The following TRIM44 variants were observed in gnomAD, a reference collection of about 807,000 sequenced individuals.
TRIM44 encodes the protein tripartite motif containing 44.
TRIM44 carries 13 observed loss-of-function variants against 37.4 expected under a neutral mutation model. That is an observed-to-expected ratio of 0.35 (90% confidence interval 0.23 to 0.55). The LOEUF (loss-of-function observed/expected upper bound fraction) is 0.55. Ranked by LOEUF, TRIM44 falls within the 20% of genes least tolerant of loss-of-function variation. The probability of loss-of-function intolerance (pLI) is 0.89; values close to 1 mark genes in which losing one functional copy is unlikely to be tolerated. For synonymous variants in TRIM44, 175 were observed against 157.2 expected (o/e 1.11, Z -0.85); for missense variants, 426 against 437.2 (o/e 0.97, Z 0.23).
Position 35,704,743 on chromosome 11 carries a change from C to A in TRIM44, c.747+19407C>A, listed in dbSNP as rs933996996. Among the ~76,000 whole-genome samples, 60 of 152,170 alleles carry A rather than the reference C, an allele frequency of 3.9e-4. 1 individual carries two copies. The highest frequency in any genetic ancestry group is 7.2e-4 in the Non-Finnish European group (49 of 68,030). On this transcript the variant is annotated intron_variant, in intron 2 of 4. Coordinates refer to ENST00000299413, the MANE Select transcript of TRIM44 (RefSeq NM_017583.6). The stretch of plus-strand genomic sequence containing the variant: ...TTTTGTCACCACCAGGCCTGCCTTA[C>A]AAGAGCTCCTGAAGGAAGCACTAAA...
At position 35,782,607 on chromosome 11, in the gene TRIM44, T is replaced by C. The variant is rs529239970; in HGVS notation, c.1008-23751T>C. ...AAAAGAGCTGCAGCTTTGGGTATTATACCCATGTTCAATCATGAGGGAGGG... is the reference window on the plus strand; with the variant it reads ...AAAAGAGCTGCAGCTTTGGGTATTACACCCATGTTCAATCATGAGGGAGGG... On this transcript the variant is annotated intron_variant, in intron 4 of 4. Transcript: ENST00000299413. Among the ~76,000 whole-genome samples the C allele has an allele frequency of 3.3e-5, 5 of 152,178 alleles. No individual in the cohort carries two copies. In the South Asian group the frequency reaches 1.0e-3, roughly 32 times the overall value.
chr11:35,719,064 G>A (rs1420159303), intron 2 of TRIM44, among the ~76,000 whole-genome samples: 3 of 152,090 alleles, frequency 2.0e-5, no homozygotes, highest in Non-Finnish European at 4.4e-5. Flanking sequence ...AGGTTTTTAT[G>A]TGGATGTAAG....
intron 4 of TRIM44, among the ~76,000 whole-genome samples, chr11:35,748,402 A>G (rs1445119897): frequency 1.3e-5 from 2 of 152,210 alleles, no homozygotes; most frequent in South Asian, 2.1e-4. Flanking sequence ...GACTGTGTTA[A>G]TGAAAGTAGC....
At chr11:35,674,911 AT>A (rs914208883) in intron 1 of TRIM44, among the ~76,000 whole-genome samples, 21 of 152,354 alleles carry the variant, frequency 1.4e-4, no homozygotes, top group African/African-American at 4.8e-4. Flanking sequence ...CCAGGAATAG[AT>A]TCTTAGAGGA....
chr11:35,700,301 G>C (rs1196175081), intron 2 of TRIM44, among the ~76,000 whole-genome samples: 2 of 152,168 alleles, frequency 1.3e-5, no homozygotes, highest in Non-Finnish European at 1.5e-5. Context: ...TTCACACACA[G>C]AATTTTTTTT....
chr11:35,778,106 A>G (rs931760536), intron 4 of TRIM44, among the ~76,000 whole-genome samples: 27 of 152,058 alleles, frequency 1.8e-4, no homozygotes, highest in Non-Finnish European at 3.7e-4. Flanking sequence ...TCAGATGTAG[A>G]TTTGGTCTTT....
intron 2 of TRIM44, among the ~76,000 whole-genome samples, chr11:35,690,345 TC>T: frequency 6.6e-6 from 1 of 152,360 alleles, no homozygotes; most frequent in Non-Finnish European, 1.5e-5. Flanking sequence ...CACAGCCTAG[TC>T]CTTCACTCTT....
chr11:35,809,879 G>A lies in TRIM44; in HGVS notation c.*3494G>A, dbSNP rs1853506810. ...TGTATATGTATATACATACATACAT[G>A]TCCGCACACACACACACAATATTTG... On this transcript the variant is annotated 3_prime_UTR_variant, in exon 5 of 5. Coordinates refer to ENST00000299413, the MANE Select transcript of TRIM44 (RefSeq NM_017583.6). 6.9e-6 allele frequency: 1 copy of A among 144,532 alleles called. No individual in the cohort carries two copies. Among genetic ancestry groups the A allele is most frequent in the East Asian group, 2.0e-4 (1 of 5,070 alleles). The allele number at this position is 144,532 out of a possible 1,614,324, so 9.0% of individuals were successfully genotyped here. A position where few individuals can be genotyped will look rare whatever the true frequency, so the allele number is the denominator to read the frequency against.
chr11:35,726,305 A>C, intron 3 of TRIM44, 142 bp downstream of exon 3: 1 of 1,095,868 alleles, frequency 9.1e-7, no homozygotes, highest in Non-Finnish European at 1.3e-6. Flanking sequence ...TGTATAAACC[A>C]GTATGGAAGT....
intron 4 of TRIM44, among the ~76,000 whole-genome samples, chr11:35,774,948 T>A (rs1016023780): frequency 1.7e-4 from 26 of 152,186 alleles, no homozygotes; most frequent in Admixed American, 1.7e-3. Flanking sequence ...CTTGGCAATG[T>A]GGGCTCTTTT....
Position 35,725,909 on chromosome 11 carries a change from G to A in TRIM44, c.748-15G>A. On this transcript the variant is annotated splice_polypyrimidine_tract_variant and intron_variant, in intron 2 of 4. Coordinates refer to ENST00000299413, the MANE Select transcript of TRIM44 (RefSeq NM_017583.6). ...TATGTTCAACTTATTCTTCTTATTT[G>A]TCTCTGTTCTAAAGGTAACTCGGGA... The A allele has an allele frequency of 6.2e-6, 10 of 1,611,456 alleles. No individual in the cohort carries two copies. Among genetic ancestry groups the A allele is most frequent in the Non-Finnish European group, 8.5e-6 (10 of 1,178,300 alleles).
chr11:35,700,708 C>G (rs1851776718), intron 2 of TRIM44, among the ~76,000 whole-genome samples: 1 of 152,172 alleles, frequency 6.6e-6, no homozygotes, highest in Non-Finnish European at 1.5e-5. Context: ...TATAAAATCT[C>G]TTTTCTTTAT....
In TRIM44 at chr11:35,735,401, C is replaced by G. The variant is rs149146882; in HGVS notation, c.988-25C>G. On this transcript the variant is annotated intron_variant, in intron 3 of 4. Transcript: ENST00000299413. ...TCTGTACCAACAGTGATTTCTAATA[C>G]TGTTTCTTTCTGTTTGTCTTTCAGG... The G allele has an allele frequency of 3.8e-5, 61 of 1,613,166 alleles. No homozygotes were observed. The African/African-American group carries it at 8.1e-4, about 22-fold the overall frequency.
intron 4 of TRIM44, among the ~76,000 whole-genome samples, chr11:35,772,837 G>C (rs761559769): frequency 6.4e-4 from 97 of 152,278 alleles, no homozygotes; most frequent in Non-Finnish European, 1.1e-3. Flanking sequence ...GCTGAAATAA[G>C]TTAAGACTTT....
At chr11:35,776,485 T>C (rs1382967376) in intron 4 of TRIM44, among the ~76,000 whole-genome samples, 1 of 152,248 alleles carries the variant, frequency 6.6e-6, no homozygotes. Context: ...CTTAGTTATT[T>C]CTTGCCTTCT....
At chr11:35,697,179 G>A (rs1387374589) in intron 2 of TRIM44, among the ~76,000 whole-genome samples, 1 of 148,956 alleles carries the variant, frequency 6.7e-6, no homozygotes, top group Non-Finnish European at 1.5e-5. Context: ...TCGTCATTTA[G>A]CATTAGGTAT....
chr11:35,777,053 G>A (rs2133869455), intron 4 of TRIM44, among the ~76,000 whole-genome samples: 1 of 152,132 alleles, frequency 6.6e-6, no homozygotes, highest in African/African-American at 2.4e-5. Flanking sequence ...TTGACAGTGG[G>A]GTGTTAAAGT....
chr11:35,742,759 T>C (rs1852426186), intron 4 of TRIM44, among the ~76,000 whole-genome samples: 1 of 127,586 alleles, frequency 7.8e-6, no homozygotes, highest in African/African-American at 3.1e-5. Flanking sequence ...TGTTATATGT[T>C]ATGTATTATA....
At chr11:35,668,573 C>T (rs531333121) in intron 1 of TRIM44, among the ~76,000 whole-genome samples, 2 of 152,354 alleles carry the variant, frequency 1.3e-5, no homozygotes, top group East Asian at 3.9e-4. Flanking sequence ...GCATAGTATT[C>T]CATGGTATAT....
Sources: allele counts gnomAD v4.1 joint callset (sites outside exome capture counted in the v4.1 genomes callset), GRCh38; gene constraint gnomAD v4.1.1; transcripts MANE v1.5; gene names NCBI Gene and HGNC (gene_info 2026-07-23, HGNC 2026-07-21).